GRID2: variants seen among roughly 807,000 people sequenced by gnomAD.
The protein encoded by GRID2 is glutamate receptor ionotropic, delta-2.
GRID2 carries 33 observed loss-of-function variants against 114.8 expected under a neutral mutation model. The observed-to-expected ratio is 0.29, with a 90% confidence interval of 0.22 to 0.38. GRID2 has a LOEUF of 0.38. Ranked by LOEUF, GRID2 falls within the 10% of genes least tolerant of loss-of-function variation. The pLI is 1.00. For missense variants in GRID2, 1,184 were observed against 1,257.7 expected (o/e 0.94, Z 0.89); for synonymous variants, 505 against 449.9 (o/e 1.12, Z -1.55).
intron 2 of GRID2, among the ~76,000 whole-genome samples, chr4:93,054,192 A>C (rs552574121): frequency 2.6e-5 from 4 of 152,024 alleles, no homozygotes; most frequent in African/African-American, 9.6e-5. Context: ...TAAATGAAAC[A>C]AACAAGCAAA....
intron 8 of GRID2, among the ~76,000 whole-genome samples, chr4:93,312,094 ATCCTCTGTGATTTCTTCCT>A (rs1220590752): frequency 2.6e-5 from 4 of 152,284 alleles, no homozygotes; most frequent in African/African-American, 9.6e-5. Flanking sequence ...ACACCCTTTC[ATCCTCTGTGATTTCTTCCT>A]TCCTTCCTTG....
At position 92,852,124 on chromosome 4, in the gene GRID2, G is replaced by A. The variant is rs965786217; in HGVS notation, c.245-232871G>A. Among the ~76,000 whole-genome samples the A allele has an allele frequency of 4.6e-5, 7 of 151,962 alleles. No individual in the cohort carries two copies. In the South Asian group the frequency reaches 1.0e-3, roughly 23 times the overall value. ...TGATAGGCAAATTAAAGACAATCTC[G>A]GGTAAGAGATGAACACTTGTGTTTT... is the stretch of plus-strand genomic sequence containing the variant. On this transcript the variant is annotated intron_variant, in intron 2 of 15. Transcript: ENST00000282020.
chr4:92,959,605 C>A (rs1387944965), intron 2 of GRID2, among the ~76,000 whole-genome samples: 1 of 151,980 alleles, frequency 6.6e-6, no homozygotes, highest in African/African-American at 2.4e-5. Flanking sequence ...GGAACCAACC[C>A]AAATGCCCAT....
chr4:93,431,740 T>C (rs1769432490), intron 10 of GRID2, among the ~76,000 whole-genome samples: 1 of 152,152 alleles, frequency 6.6e-6, no homozygotes. Context: ...TTTTTGTTTG[T>C]TTTTAAGTTA....
chr4:92,922,919 G>A (rs528241002), intron 2 of GRID2, among the ~76,000 whole-genome samples: 18 of 152,294 alleles, frequency 1.2e-4, no homozygotes, highest in South Asian at 4.1e-4. Flanking sequence ...GAGACACAAC[G>A]GAGGCTCTAG....
intron 14 of GRID2, among the ~76,000 whole-genome samples, chr4:93,685,001 G>A (rs1337510718): frequency 3.3e-5 from 5 of 151,986 alleles, no homozygotes; most frequent in Non-Finnish European, 7.4e-5. Context: ...GCTGAAAATG[G>A]CAAATCTGTG....
At chr4:92,693,061 T>C (rs932833341) in intron 2 of GRID2, among the ~76,000 whole-genome samples, 1 of 151,076 alleles carries the variant, frequency 6.6e-6, no homozygotes, top group Non-Finnish European at 1.5e-5. Context: ...ATGCAGAATG[T>C]GGTGTAGAAA....
intron 2 of GRID2, among the ~76,000 whole-genome samples, chr4:92,696,940 C>CTCTG (rs2149297838): frequency 6.6e-6 from 1 of 152,258 alleles, no homozygotes; most frequent in African/African-American, 2.4e-5. Context: ...CAAGGAATTT[C>CTCTG]ATATAGCTGA....
intron 1 of GRID2, among the ~76,000 whole-genome samples, chr4:92,389,393 T>G (rs1730138130): frequency 6.6e-6 from 1 of 152,058 alleles, no homozygotes; most frequent in Non-Finnish European, 1.5e-5. Flanking sequence ...TGATATGACA[T>G]GAATCTGATT....
chr4:92,709,583 A>ATATATATATATAT (rs1553919213), intron 2 of GRID2, among the ~76,000 whole-genome samples: 2 of 127,888 alleles, frequency 1.6e-5, no homozygotes, highest in African/African-American at 6.3e-5. Flanking sequence ...AAAAAAAAAA[A>ATATATATATATAT]AAAAAAATAT....
chr4:93,162,457 G>A (rs539828151), intron 4 of GRID2, among the ~76,000 whole-genome samples: 109 of 151,892 alleles, frequency 7.2e-4, no homozygotes, highest in Non-Finnish European at 1.3e-3. Flanking sequence ...CTGTGTTAGC[G>A]AGGAATAAAA....
At chr4:93,288,333 A>G (rs1207693911) in intron 8 of GRID2, among the ~76,000 whole-genome samples, 1 of 152,184 alleles carries the variant, frequency 6.6e-6, no homozygotes. Context: ...TAAACCATGG[A>G]CTTGAGCCAA....
At chr4:92,930,773 A>G (rs781130234) in intron 2 of GRID2, among the ~76,000 whole-genome samples, 1 of 151,186 alleles carries the variant, frequency 6.6e-6, no homozygotes, top group Middle Eastern at 3.4e-3. Flanking sequence ...CACATGCATA[A>G]TTGTTAACTT....
At chr4:92,894,290 G>T (rs1747000682) in intron 2 of GRID2, among the ~76,000 whole-genome samples, 1 of 151,998 alleles carries the variant, frequency 6.6e-6, no homozygotes, top group Admixed American at 6.6e-5. Context: ...ATGATTGGAT[G>T]TTTATTTGCT....
intron 14 of GRID2, among the ~76,000 whole-genome samples, chr4:93,760,168 C>T (rs1733087094): frequency 6.6e-6 from 1 of 152,158 alleles, no homozygotes; most frequent in Non-Finnish European, 1.5e-5. Context: ...TATCATTCCT[C>T]CCTCACAAGG....
chr4:92,833,186 T>C (rs891141271), intron 2 of GRID2, among the ~76,000 whole-genome samples: 1 of 152,220 alleles, frequency 6.6e-6, no homozygotes, highest in Non-Finnish European at 1.5e-5. Flanking sequence ...AAGGGCACGA[T>C]GTAGACTGTC....
intron 2 of GRID2, among the ~76,000 whole-genome samples, chr4:93,037,299 C>A (rs971622056): frequency 2.4e-4 from 36 of 152,078 alleles, no homozygotes; most frequent in African/African-American, 8.0e-4. Flanking sequence ...TATTCATAAA[C>A]CTTCTCTATT....
At chr4:93,347,227 A>C (rs1760329541) in intron 8 of GRID2, among the ~76,000 whole-genome samples, 1 of 152,040 alleles carries the variant, frequency 6.6e-6, no homozygotes, top group South Asian at 2.1e-4. Context: ...AAGTTGTTAA[A>C]AAAAATTAAT....
intron 2 of GRID2, among the ~76,000 whole-genome samples, chr4:92,908,764 A>G (rs1748152398): frequency 1.3e-5 from 2 of 152,278 alleles, no homozygotes; most frequent in South Asian, 4.1e-4. Context: ...CAAAACCTGT[A>G]ATATTTATGA....
Sources: allele counts gnomAD v4.1 joint callset (sites outside exome capture counted in the v4.1 genomes callset), GRCh38; gene constraint gnomAD v4.1.1; transcripts MANE v1.5; gene names NCBI Gene and HGNC (gene_info 2026-07-23, HGNC 2026-07-21).